The following BANK1 variants were observed in gnomAD, a reference collection of about 807,000 sequenced individuals.
The protein encoded by BANK1 is B-cell scaffold protein with ankyrin repeats.
Under a neutral mutation model 94.5 loss-of-function variants are expected in BANK1, and 95 were observed. That is an observed-to-expected ratio of 1.00 (90% CI 0.85 to 1.19). The LOEUF is 1.19. Ranked by LOEUF, BANK1 falls within the 50% of genes most tolerant of loss-of-function variation. The pLI is 0.00. For synonymous variants in BANK1, 334 were observed against 308.4 expected (o/e 1.08, Z -0.87); for missense variants, 987 against 932.2 (o/e 1.06, Z -0.77).
intron 1 of BANK1, among the ~76,000 whole-genome samples, chr4:101,799,725 T>C (rs967045617): frequency 1.3e-5 from 2 of 151,890 alleles, no homozygotes; most frequent in Non-Finnish European, 2.9e-5. Flanking sequence ...ACACAAAAAA[T>C]TAGCCGGGCG....
At chr4:101,881,696 C>T (rs1289458092) in intron 5 of BANK1, among the ~76,000 whole-genome samples, 2 of 151,994 alleles carry the variant, frequency 1.3e-5, no homozygotes, top group Non-Finnish European at 2.9e-5. Context: ...ATGGATAAAG[C>T]AAATGTCATA....
chr4:102,030,355 C>G, intron 10 of BANK1, 90 bp downstream of exon 10: 1 of 1,275,118 alleles, frequency 7.8e-7, no homozygotes, highest in Non-Finnish European at 1.1e-6. Context: ...GCAATTAATG[C>G]TCTAAAACTC....
chr4:101,812,123 A>G (rs1198315758), intron 1 of BANK1, among the ~76,000 whole-genome samples: 4 of 151,994 alleles, frequency 2.6e-5, no homozygotes, highest in Admixed American at 2.6e-4. Flanking sequence ...CCTGGTCTGA[A>G]AATTCCAGTG....
intron 10 of BANK1, among the ~76,000 whole-genome samples, chr4:102,033,485 C>T (rs1031522328): frequency 3.9e-4 from 60 of 152,174 alleles, no homozygotes; most frequent in African/African-American, 1.3e-3. Flanking sequence ...ACATAAACAT[C>T]GATTGAGTGC....
At chr4:101,974,037 T>C (rs1477266296) in intron 7 of BANK1, among the ~76,000 whole-genome samples, 1 of 152,100 alleles carries the variant, frequency 6.6e-6, no homozygotes, top group African/African-American at 2.4e-5. Flanking sequence ...TTGAACCCAG[T>C]ACCTGGCGTA....
chr4:101,828,515 T>C lies in BANK1; in HGVS notation c.71-1293T>C, dbSNP rs1023540458. Among the ~76,000 whole-genome samples the C allele has an allele frequency of 4.0e-5, 6 of 151,854 alleles. No individual in the cohort carries two copies. In the East Asian group the frequency reaches 1.2e-3, roughly 29 times the overall value. On this transcript the variant is annotated intron_variant, in intron 1 of 16. Transcript: ENST00000322953. ...AATTCTACCCTAAAATATTCAGATCTGTATCACTGTGAATCAAGTTTTCTG... is the reference window on the plus strand; with the variant it reads ...AATTCTACCCTAAAATATTCAGATCCGTATCACTGTGAATCAAGTTTTCTG...
intron 1 of BANK1, among the ~76,000 whole-genome samples, chr4:101,792,255 T>TCCCCC (rs771698917): frequency 2.4e-4 from 31 of 128,748 alleles, no homozygotes; most frequent in Non-Finnish European, 2.8e-4. Context: ...TGCATTCCGC[T>TCCCCC]CCCCCCCCGC....
intron 7 of BANK1, among the ~76,000 whole-genome samples, chr4:101,965,614 T>C (rs1481748212): frequency 6.6e-6 from 1 of 152,122 alleles, no homozygotes; most frequent in Non-Finnish European, 1.5e-5. Context: ...ACAATGCCTA[T>C]AAAGCCACAG....
At chr4:102,064,719 T>C (rs1034370035) in intron 13 of BANK1, among the ~76,000 whole-genome samples, 1 of 152,192 alleles carries the variant, frequency 6.6e-6, no homozygotes, top group Admixed American at 6.5e-5. Context: ...GCAAGTGATA[T>C]TAGGAGGCAG....
chr4:101,979,131 A>T (rs998168973), intron 7 of BANK1, among the ~76,000 whole-genome samples: 1 of 152,042 alleles, frequency 6.6e-6, no homozygotes, highest in South Asian at 2.1e-4. Flanking sequence ...GTGAAATATA[A>T]GATGAGAAGA....
At chr4:101,989,139 CCT>C (rs1039240648) in intron 7 of BANK1, among the ~76,000 whole-genome samples, 25 of 151,954 alleles carry the variant, frequency 1.6e-4, no homozygotes, top group African/African-American at 5.8e-4. Context: ...GCAAGAACCC[CCT>C]GTTTCTTATA....
In BANK1 at chr4:101,792,467, GTGTT is replaced by G. The variant is rs1321419466; in HGVS notation, c.70+1519_70+1522del. Among the ~76,000 whole-genome samples the G allele has an allele frequency of 1.7e-4, 16 of 94,324 alleles. 1 individual carries two copies. Among genetic ancestry groups the G allele is most frequent in the East Asian group, 8.7e-4 (3 of 3,456 alleles). The allele number at this position is 94,324 out of a possible 152,430, so 61.9% of individuals were successfully genotyped here. The stretch of plus-strand genomic sequence containing the variant: ...TGTGTGTGTGTGTGTGTGTGTGTGT[GTGTT>G]TTTTTTTTTTTAATGAAGAGCTCCC... On this transcript the variant is annotated intron_variant, in intron 1 of 16. Coordinates refer to ENST00000322953, the MANE Select transcript of BANK1 (RefSeq NM_017935.5).
intron 1 of BANK1, among the ~76,000 whole-genome samples, chr4:101,819,258 C>T (rs534231940): frequency 1.2e-4 from 18 of 152,078 alleles, no homozygotes; most frequent in Admixed American, 6.6e-4. Context: ...CCCTAGTACA[C>T]GTGCCTTTAG....
At chr4:101,946,999 A>G (rs928872174) in intron 7 of BANK1, among the ~76,000 whole-genome samples, 9 of 151,620 alleles carry the variant, frequency 5.9e-5, no homozygotes, top group South Asian at 2.1e-4. Context: ...TTTTTCTCCA[A>G]TTACATTTTG....
At chr4:102,006,343 C>A (rs1726260939) in intron 7 of BANK1, among the ~76,000 whole-genome samples, 1 of 152,022 alleles carries the variant, frequency 6.6e-6, no homozygotes, top group African/African-American at 2.4e-5. Flanking sequence ...ATGCCAGTGA[C>A]TGGGTCCCAC....
chr4:101,842,701 A>G (rs1727099114), intron 2 of BANK1, among the ~76,000 whole-genome samples: 1 of 152,226 alleles, frequency 6.6e-6, no homozygotes, highest in African/African-American at 2.4e-5. Flanking sequence ...TTCAGAGTCT[A>G]GGATGAAATC....
chr4:101,899,420 C>T (rs749300933), intron 6 of BANK1, among the ~76,000 whole-genome samples: 11 of 152,168 alleles, frequency 7.2e-5, no homozygotes, highest in African/African-American at 1.4e-4. Context: ...TACAAATTTT[C>T]GCATCTCTTG....
chr4:102,073,749 G>GT lies in BANK1; in HGVS notation c.*5+2dup. ...GTTGCAAGAAAGATCATTAAAGAAG[G>GT]TAAAATATTAGCTGTGTATATTTTT... On this transcript the variant is annotated splice_donor_variant, in intron 16 of 16. Coordinates refer to ENST00000322953, the MANE Select transcript of BANK1 (RefSeq NM_017935.5). LOFTEE classifies it low-confidence loss of function (3UTR_SPLICE). 3.1e-6 allele frequency: 5 copies of GT among 1,605,992 alleles called. No individual in the cohort carries two copies. The highest frequency in any genetic ancestry group is 3.4e-6 in the Non-Finnish European group (4 of 1,174,048).
At chr4:102,066,995 A>G (rs1169115501) in intron 13 of BANK1, among the ~76,000 whole-genome samples, 1 of 152,174 alleles carries the variant, frequency 6.6e-6, no homozygotes, top group Non-Finnish European at 1.5e-5. Flanking sequence ...TTCAGTTACA[A>G]AGTAGGAAGA....
Sources: gnomAD v4.1 joint callset for allele counts (sites outside exome capture counted in the v4.1 genomes callset) on GRCh38, gnomAD v4.1.1 for gene constraint, MANE v1.5 for transcripts, NCBI Gene and HGNC (gene_info 2026-07-23, HGNC 2026-07-21) for gene names.